Variants in NRG1 observed in about 807,000 individuals in gnomAD.
NRG1 encodes the protein neuregulin 1, also known as pro-neuregulin-1, membrane-bound isoform.
Under a neutral mutation model 63.8 loss-of-function variants are expected in NRG1, and 18 were observed. The observed-to-expected ratio is 0.28, with a 90% CI of 0.19 to 0.42. The LOEUF (loss-of-function observed/expected upper bound fraction) is 0.42, where lower values mean the gene tolerates loss of function less well. NRG1 is among the 10% of genes least tolerant of loss of function. NRG1 has a pLI of 1.00. For synonymous variants in NRG1, 302 were observed against 301.3 expected (o/e 1.00, Z -0.02); for missense variants, 762 against 814.7 (o/e 0.94, Z 0.79).
intron 5 of NRG1, among the ~76,000 whole-genome samples, chr8:32,620,903 C>T (rs1848230138): frequency 6.6e-6 from 1 of 151,956 alleles, no homozygotes; most frequent in African/African-American, 2.4e-5. Flanking sequence ...CTCACCTACC[C>T]TTCTACCTAC....
At chr8:31,909,421 T>A (rs1169844825) in intron 1 of NRG1, among the ~76,000 whole-genome samples, 1 of 152,052 alleles carries the variant, frequency 6.6e-6, no homozygotes, top group African/African-American at 2.4e-5. Flanking sequence ...TCTTCAGAGT[T>A]CTTCCATGCT....
At chr8:32,624,268 G>A (rs1173104662) in intron 5 of NRG1, among the ~76,000 whole-genome samples, 1 of 152,186 alleles carries the variant, frequency 6.6e-6, no homozygotes, top group Non-Finnish European at 1.5e-5. Context: ...CATCCAGGGA[G>A]ATTAATGCCT....
At chr8:32,179,900 T>C (rs1044984278) in intron 1 of NRG1, among the ~76,000 whole-genome samples, 2 of 152,186 alleles carry the variant, frequency 1.3e-5, no homozygotes, top group African/African-American at 2.4e-5. Context: ...TCTTTTTTTT[T>C]CAAGGACTAA....
In NRG1 at chr8:32,150,753, G is replaced by A. The variant is rs147026307; in HGVS notation, c.38-445075G>A. On this transcript the variant is annotated intron_variant, in intron 1 of 10. Transcript: ENST00000519301. ...TGCCTTTGAGGCTATAAAGGACCTC[G>A]ACCTTCACTTTCAGCACATGTTCAA... Among the ~76,000 whole-genome samples, 87 of 152,252 alleles carry A rather than the reference G, an allele frequency of 5.7e-4. No homozygotes were observed. In the East Asian group the frequency reaches 0.016, roughly 28 times the overall value.
intron 1 of NRG1, among the ~76,000 whole-genome samples, chr8:32,298,850 A>C (rs1281319200): frequency 6.6e-6 from 1 of 151,620 alleles, no homozygotes; most frequent in Non-Finnish European, 1.5e-5. Flanking sequence ...AACATTGTGA[A>C]ACCCCGTCTC....
chr8:32,145,005 G>A (rs902072253), intron 1 of NRG1, among the ~76,000 whole-genome samples: 2 of 152,172 alleles, frequency 1.3e-5, no homozygotes, highest in African/African-American at 4.8e-5. Context: ...GTGAGGAGTT[G>A]CAGAGCAAAG....
chr8:32,442,359 T>G (rs564822037), intron 1 of NRG1: 1 of 152,370 alleles, frequency 6.6e-6, no homozygotes, highest in East Asian at 1.9e-4. Flanking sequence ...ATTCTTCTTC[T>G]GCCTGGCCCC....
intron 1 of NRG1, among the ~76,000 whole-genome samples, chr8:31,740,671 A>ATGTG (rs1264889469): frequency 1.4e-5 from 2 of 145,682 alleles, no homozygotes; most frequent in Admixed American, 7.0e-5. Flanking sequence ...GTGTGAGTGC[A>ATGTG]TGTGTGTGTG....
downstream of NRG1, among the ~76,000 whole-genome samples, chr8:32,771,318 G>T (rs1015355778): frequency 1.8e-4 from 24 of 133,092 alleles, no homozygotes; most frequent in Non-Finnish European, 3.2e-4. Context: ...TAGGGACAAG[G>T]TCTCGCTATG....
chr8:32,087,482 C>CTTTCTTTTTT (rs1554622114), intron 1 of NRG1, among the ~76,000 whole-genome samples: 1 of 90,278 alleles, frequency 1.1e-5, no homozygotes, highest in African/African-American at 3.8e-5. Flanking sequence ...TCTTTTCTTT[C>CTTTCTTTTTT]TTTTTTTTTT....
intron 1 of NRG1, among the ~76,000 whole-genome samples, chr8:32,409,904 G>T (rs1002680740): frequency 6.6e-6 from 1 of 152,138 alleles, no homozygotes; most frequent in Non-Finnish European, 1.5e-5. Context: ...TTCTCCCAGC[G>T]AGAGAATCTC....
intron 1 of NRG1, among the ~76,000 whole-genome samples, chr8:32,202,056 G>T (rs59371661): frequency 6.6e-6 from 1 of 152,178 alleles, no homozygotes; most frequent in African/African-American, 2.4e-5. Context: ...TCTCATGGTT[G>T]TGGTCTGCAT....
At chr8:32,171,888 C>T (rs990105889) in intron 1 of NRG1, among the ~76,000 whole-genome samples, 7 of 152,154 alleles carry the variant, frequency 4.6e-5, no homozygotes, top group African/African-American at 7.2e-5. Context: ...CTCAAGGAGG[C>T]CTGTCTGCCT....
chr8:32,749,917 G>A, intron 7 of NRG1: 1 of 289,710 alleles, frequency 3.5e-6, no homozygotes, highest in East Asian at 7.5e-5. Flanking sequence ...AGTAGTAGTA[G>A]CACATAAAGG....
intron 1 of NRG1, among the ~76,000 whole-genome samples, chr8:31,907,224 GGTT>G (rs1832592314): frequency 8.0e-6 from 1 of 124,342 alleles, no homozygotes; most frequent in Non-Finnish European, 1.7e-5. Context: ...ACTCCTGATG[GGTT>G]GATGCCACAG....
At chr8:32,229,496 G>A (rs1395183542) in intron 1 of NRG1, among the ~76,000 whole-genome samples, 1 of 152,108 alleles carries the variant, frequency 6.6e-6, no homozygotes, top group Admixed American at 6.6e-5. Flanking sequence ...ATGGGGAGAA[G>A]GCCAATGGTC....
chr8:32,521,284 T>C (rs980163559), intron 1 of NRG1, among the ~76,000 whole-genome samples: 2 of 152,154 alleles, frequency 1.3e-5, no homozygotes, highest in East Asian at 3.9e-4. Context: ...AAGCAATAAA[T>C]ATAAAGAAAA....
At chr8:31,890,783 T>C (rs1329595959) in intron 1 of NRG1, among the ~76,000 whole-genome samples, 2 of 152,184 alleles carry the variant, frequency 1.3e-5, no homozygotes, top group Non-Finnish European at 2.9e-5. Context: ...AAATGCCAGA[T>C]GATAACAGGA....
intron 1 of NRG1, among the ~76,000 whole-genome samples, chr8:32,230,806 T>A (rs1395594250): frequency 1.4e-5 from 2 of 139,512 alleles, no homozygotes; most frequent in East Asian, 4.1e-4. Flanking sequence ...ACATACAATG[T>A]ATAATAATCT....
Sources: allele counts gnomAD v4.1 joint callset (sites outside exome capture counted in the v4.1 genomes callset), GRCh38; gene constraint gnomAD v4.1.1; transcripts MANE v1.5; gene names NCBI Gene and HGNC (gene_info 2026-07-23, HGNC 2026-07-21).